SFXN1: variants seen among roughly 807,000 people sequenced by gnomAD.
The protein encoded by SFXN1 is sideroflexin-1.
A neutral mutation model predicts 39.5 loss-of-function variants in SFXN1; 32 were observed. The observed-to-expected ratio is 0.81, with a 90% CI of 0.61 to 1.09. The LOEUF (loss-of-function observed/expected upper bound fraction) is 1.09, where lower values mean the gene tolerates loss of function less well. SFXN1 is among the 50% of genes least tolerant of loss of function. The pLI, the probability that SFXN1 is intolerant of heterozygous loss-of-function variation, is 0.00. For synonymous variants in SFXN1, 136 were observed against 146.5 expected, an observed-to-expected ratio of 0.93 and a Z score of 0.52; for missense variants, 402 against 407.1, an observed-to-expected ratio of 0.99 and a Z score of 0.11.
chr5:175,491,995 A>C, intron 1 of SFXN1, 100 bp from the exon 2 acceptor site: 1 of 745,084 alleles, frequency 1.3e-6, no homozygotes, highest in Non-Finnish European at 2.1e-6. Flanking sequence ...TAGGAAGAGT[A>C]TGTACATATT....
chr5:175,509,569 A>G (rs1228936769), intron 3 of SFXN1, among the ~76,000 whole-genome samples: 1 of 151,980 alleles, frequency 6.6e-6, no homozygotes, highest in East Asian at 1.9e-4. Context: ...TTAGTTGTTC[A>G]AAAGGAGGTT....
At position 175,490,867 on chromosome 5, in the gene SFXN1, TTAAAA is replaced by T. The variant is rs147030451; in HGVS notation, c.-9-1225_-9-1221del. Among the ~76,000 whole-genome samples the T allele has an allele frequency of 4.9e-3, 747 of 152,306 alleles. 3 individuals carry two copies. Among genetic ancestry groups the T allele is most frequent in the African/African-American group, 0.017 (700 of 41,566 alleles). On this transcript the variant is annotated intron_variant, in intron 1 of 10. Transcript: ENST00000321442. ...AAATAAGTGCAAAAAAAACAAGATC[TTAAAA>T]TATATAGTATGATATCAACTAATTT...
intron 10 of SFXN1, among the ~76,000 whole-genome samples, chr5:175,526,185 A>C (rs1256463222): frequency 7.6e-6 from 1 of 131,050 alleles, no homozygotes; most frequent in Non-Finnish European, 1.6e-5. Flanking sequence ...AGCGTGTATT[A>C]CATACAGTAA....
chr5:175,497,555 A>G (rs1426451221), intron 2 of SFXN1, among the ~76,000 whole-genome samples: 1 of 152,250 alleles, frequency 6.6e-6, no homozygotes, highest in Non-Finnish European at 1.5e-5. Context: ...TGCCGAACAG[A>G]CAGTATTCAT....
At chr5:175,510,008 C>A in intron 3 of SFXN1, 101 bp from the exon 4 acceptor site, 2 of 894,150 alleles carry the variant, frequency 2.2e-6, no homozygotes, top group Non-Finnish European at 3.6e-6. Flanking sequence ...TTCTCCCTTC[C>A]CCAGTACGTC....
chr5:175,499,178 CCA>C (rs1759979955), intron 2 of SFXN1, among the ~76,000 whole-genome samples: 1 of 151,910 alleles, frequency 6.6e-6, no homozygotes, highest in African/African-American at 2.4e-5. Context: ...TTGCTTGTAC[CCA>C]GGAGGCGGAG....
intron 2 of SFXN1, among the ~76,000 whole-genome samples, chr5:175,507,015 A>G (rs572879662): frequency 6.6e-6 from 1 of 152,276 alleles, no homozygotes; most frequent in South Asian, 2.1e-4. Flanking sequence ...TGAGCCTCAC[A>G]GTTATGGAGG....
At chr5:175,518,222 T>G (rs1760774036) in intron 8 of SFXN1, among the ~76,000 whole-genome samples, 1 of 152,204 alleles carries the variant, frequency 6.6e-6, no homozygotes, top group Non-Finnish European at 1.5e-5. Context: ...GGCACTTTCA[T>G]TGGGAGTGAA....
intron 2 of SFXN1, among the ~76,000 whole-genome samples, chr5:175,505,195 A>C (rs531003031): frequency 2.0e-5 from 3 of 152,208 alleles, no homozygotes; most frequent in African/African-American, 7.2e-5. Context: ...TCTCCAGATT[A>C]ATACGATTTC....
chr5:175,513,445 A>G lies in SFXN1; in HGVS notation c.597-18A>G. ...TGAAGGCATTGGTGGAGCTCTCTGT[A>G]TGTGTTTTGCTCTGCAGGGAACTCA... On this transcript the variant is annotated intron_variant, in intron 6 of 10. Coordinates refer to ENST00000321442, the MANE Select transcript of SFXN1 (RefSeq NM_022754.7). 6.2e-7 allele frequency: 1 copy of G among 1,610,804 alleles called. No individual in the cohort carries two copies. The highest frequency in any genetic ancestry group is 8.5e-7 in the Non-Finnish European group (1 of 1,177,960).
At chr5:175,503,754 A>T (rs1260761274) in intron 2 of SFXN1, among the ~76,000 whole-genome samples, 1 of 151,900 alleles carries the variant, frequency 6.6e-6, no homozygotes, top group South Asian at 2.1e-4. Context: ...CATAATCCCA[A>T]CACTTTGAGA....
At chr5:175,513,669 C>A (rs187448702) in intron 7 of SFXN1, 79 bp downstream of exon 7, 2 of 1,458,402 alleles carry the variant, frequency 1.4e-6, no homozygotes, top group Non-Finnish European at 1.9e-6. Context: ...AAAACAAACA[C>A]ATATATCACA....
At chr5:175,516,804 C>T (rs1760728454) in intron 8 of SFXN1, 141 bp downstream of exon 8, 1 of 760,586 alleles carries the variant, frequency 1.3e-6, no homozygotes, top group Non-Finnish European at 2.0e-6. Context: ...AAAGATGTTC[C>T]CAGGAAGATT....
chr5:175,489,747 A>G (rs1347400936), intron 1 of SFXN1, among the ~76,000 whole-genome samples: 1 of 152,170 alleles, frequency 6.6e-6, no homozygotes, highest in African/African-American at 2.4e-5. Flanking sequence ...TCCTCCTTCT[A>G]GAGACTCTGA....
At chr5:175,482,708 A>G (rs10036800) in intron 1 of SFXN1, among the ~76,000 whole-genome samples, 2 of 152,224 alleles carry the variant, frequency 1.3e-5, no homozygotes, top group South Asian at 2.1e-4. Flanking sequence ...CTATGAGCCA[A>G]CTCTTACCTG....
intron 10 of SFXN1, chr5:175,523,647 T>G (rs1760946853): frequency 6.6e-6 from 1 of 152,168 alleles, no homozygotes; most frequent in Non-Finnish European, 1.5e-5. Flanking sequence ...TTTCTTTGAG[T>G]GCTGCAAGAA....
chr5:175,518,941 A>C (rs1321082390), intron 8 of SFXN1, among the ~76,000 whole-genome samples: 1 of 152,238 alleles, frequency 6.6e-6, no homozygotes, highest in African/African-American at 2.4e-5. Flanking sequence ...ACTATACAGA[A>C]AATGAAAAGA....
At chr5:175,524,170 A>ATATATATATATATC (rs1760989157) in intron 10 of SFXN1, 1 of 121,978 alleles carries the variant, frequency 8.2e-6, no homozygotes, top group Non-Finnish European at 1.7e-5. Context: ...ATATATATAT[A>ATATATATATATATC]TCTCCAATAA....
At chr5:175,489,636 G>T (rs1051750438) in intron 1 of SFXN1, among the ~76,000 whole-genome samples, 1 of 152,242 alleles carries the variant, frequency 6.6e-6, no homozygotes, top group Non-Finnish European at 1.5e-5. Context: ...CCTCTTTGGG[G>T]AACTGTTTAT....
Sources: allele counts gnomAD v4.1 joint callset (sites outside exome capture counted in the v4.1 genomes callset), GRCh38; gene constraint gnomAD v4.1.1; transcripts MANE v1.5; gene names NCBI Gene and HGNC (gene_info 2026-07-23, HGNC 2026-07-21).